Variants in PREX1 observed in about 807,000 individuals in gnomAD.
PREX1 encodes the protein phosphatidylinositol-3,4,5-trisphosphate dependent Rac exchange factor 1, also known as phosphatidylinositol 3,4,5-trisphosphate-dependent Rac exchanger 1 protein.
PREX1 carries 41 observed loss-of-function variants against 198.3 expected under a neutral mutation model. The observed-to-expected ratio is 0.21, with a 90% CI of 0.16 to 0.27. The LOEUF (loss-of-function observed/expected upper bound fraction) is 0.27, where lower values mean the gene tolerates loss of function less well. Ranked by LOEUF, PREX1 falls within the 10% of genes least tolerant of loss-of-function variation. The pLI, the probability that PREX1 is intolerant of heterozygous loss-of-function variation, is 1.00. For missense variants in PREX1, 1,620 were observed against 2,200.7 expected (o/e 0.74, Z 5.28); for synonymous variants, 843 against 887.2 (o/e 0.95, Z 0.89).
At chr20:48,777,816 C>T (rs1194274608) in intron 1 of PREX1, among the ~76,000 whole-genome samples, 1 of 152,194 alleles carries the variant, frequency 6.6e-6, no homozygotes, top group African/African-American at 2.4e-5. Flanking sequence ...GCCAAAAACA[C>T]AGCTCTGACT....
intron 15 of PREX1, among the ~76,000 whole-genome samples, chr20:48,665,319 T>TCC: frequency 7.1e-6 from 1 of 140,916 alleles, no homozygotes; most frequent in Non-Finnish European, 1.5e-5. Flanking sequence ...TAATCCTGGT[T>TCC]CCAGACGGCC....
intron 37 of PREX1, among the ~76,000 whole-genome samples, chr20:48,628,505 G>A (rs1317033387): frequency 6.6e-6 from 1 of 152,162 alleles, no homozygotes; most frequent in Non-Finnish European, 1.5e-5. Context: ...GAGCATGGTG[G>A]TGCACAGAGG....
chr20:48,676,388 T>G (rs1049270007), intron 13 of PREX1, 120 bp from the exon 14 acceptor site: 1 of 891,496 alleles, frequency 1.1e-6, no homozygotes. Flanking sequence ...CTCTAGGCAT[T>G]GGGCAGGGGT....
chr20:48,856,281 A>C, the PREX1 span, among the ~76,000 whole-genome samples: 1 of 152,230 alleles, frequency 6.6e-6, no homozygotes, highest in African/African-American at 2.4e-5. Context: ...GCTGGGAGGT[A>C]ATGGATGGGA....
Position 48,697,296 on chromosome 20 carries a change from G to A in PREX1, c.917+3457C>T, listed in dbSNP as rs530073879. ...GACTACTTTTATCCCCATATAACAG[G>A]TAGGAAAAGACAGGCGCAAACAGCT... On this transcript the variant is annotated intron_variant, in intron 7 of 39. Transcript: ENST00000371941. 7.0e-4 allele frequency among the ~76,000 whole-genome samples: 106 copies of A among 152,212 alleles called. 1 individual carries two copies. The South Asian group carries it at 0.022, about 32-fold the overall frequency.
chr20:48,705,017 T>C (rs746773413), intron 6 of PREX1, among the ~76,000 whole-genome samples: 1 of 152,182 alleles, frequency 6.6e-6, no homozygotes, highest in African/African-American at 2.4e-5. Context: ...TCTAAAAAAA[T>C]AAATAAATAA....
intron 13 of PREX1, among the ~76,000 whole-genome samples, chr20:48,676,867 G>C (rs1022422353): frequency 2.6e-5 from 4 of 152,196 alleles, no homozygotes; most frequent in Non-Finnish European, 4.4e-5. Flanking sequence ...CCCTGCAAGG[G>C]GCTGGTGTGG....
intron 23 of PREX1, 108 bp downstream of exon 23, chr20:48,650,786 G>A (rs1378510960): frequency 5.1e-6 from 7 of 1,378,212 alleles, no homozygotes; most frequent in Admixed American, 4.2e-5. Flanking sequence ...TCTCCTGTTT[G>A]TTTCAGCTGA....
intron 4 of PREX1, 144 bp downstream of exon 4, chr20:48,734,402 T>C: frequency 2.7e-6 from 2 of 740,548 alleles, no homozygotes; most frequent in Admixed American, 2.3e-5. Context: ...GGAAAAGGCT[T>C]GGCGATCCCT....
At chr20:48,656,357 T>C in intron 18 of PREX1, 1 of 412,666 alleles carries the variant, frequency 2.4e-6, no homozygotes, top group Non-Finnish European at 4.9e-6. Context: ...GAGCTCCACT[T>C]GCAGCCACAG....
At chr20:48,819,328 C>T (rs1444731656) in intron 1 of PREX1, among the ~76,000 whole-genome samples, 2 of 152,176 alleles carry the variant, frequency 1.3e-5, no homozygotes, top group African/African-American at 2.4e-5. Context: ...ACAGTCCTGC[C>T]TCAGGGCCTT....
rs897146553 is a variant in PREX1 at position 48,745,165 on chromosome 20, G to C, written c.292-18C>G. 1 of 1,610,028 alleles carries C rather than the reference G, an allele frequency of 6.2e-7. No individual in the cohort carries two copies. The highest frequency in any genetic ancestry group is 1.7e-5 in the Admixed American group (1 of 59,900). Reference sequence around the variant, plus strand: ...AACAGGACCTGTGAGGAAAAGAGAGGCCAGAGGACAGCGTTAAGGCTCAGA... The same window carrying C: ...AACAGGACCTGTGAGGAAAAGAGAGCCCAGAGGACAGCGTTAAGGCTCAGA... On this transcript the variant is annotated intron_variant, in intron 2 of 39. Coordinates refer to ENST00000371941, the MANE Select transcript of PREX1 (RefSeq NM_020820.4).
chr20:48,729,451 G>A (rs1383155948), intron 4 of PREX1, among the ~76,000 whole-genome samples: 2 of 151,758 alleles, frequency 1.3e-5, no homozygotes, highest in East Asian at 1.9e-4. Context: ...CTAAACTCCC[G>A]ACTAGAGTCT....
At position 48,691,032 on chromosome 20, in the gene PREX1, A is replaced by T; in HGVS notation, c.1101T>A (p.Asn367Lys). The T allele has an allele frequency of 6.2e-7, 1 of 1,614,142 alleles. No homozygotes were observed. Among genetic ancestry groups the T allele is most frequent in the African/African-American group, 1.3e-5 (1 of 75,018 alleles). ...TCTTGGCCATGCAGACAAACCACTT[A>T]TTCTTGGCCGTGTTGTGGATCTTCC... ...NGWKIHNTAK[N>K]KWFVCMAKTA... The change falls in exon 9 of 40, where the codon AAT (asparagine) becomes AAA (lysine). Residue 367 changes from asparagine (N) to lysine (K), a missense_variant. Coordinates refer to ENST00000371941, the MANE Select transcript of PREX1 (RefSeq NM_020820.4). This position sits in a 1 kb window ranked among gnomAD's most constrained non-coding sequence, Gnocchi z 5.0.
rs993974821 is a variant in PREX1 at position 48,671,852 on chromosome 20, C to T, written c.1665+4341G>A. Among the ~76,000 whole-genome samples, 5 of 152,222 alleles carry T rather than the reference C, an allele frequency of 3.3e-5. No homozygotes were observed. In the South Asian group the frequency reaches 8.3e-4, roughly 25 times the overall value. ...TCCTCCTGCGTCAGCTCCAGTTACC[C>T]ACCCTGTGTCCCCACACCAGGCCAA... On this transcript the variant is annotated intron_variant, in intron 14 of 39. Transcript: ENST00000371941.
At chr20:48,843,582 C>G in the PREX1 span, among the ~76,000 whole-genome samples, 1 of 152,294 alleles carries the variant, frequency 6.6e-6, no homozygotes, top group East Asian at 1.9e-4. Context: ...GTTACTTATC[C>G]CTGTGCTCAA....
intron 1 of PREX1, among the ~76,000 whole-genome samples, chr20:48,770,873 A>AT (rs2090232236): frequency 6.6e-6 from 1 of 152,272 alleles, no homozygotes; most frequent in African/African-American, 2.4e-5. Context: ...GGAAATGCTG[A>AT]TTCCTGGGCC....
intron 3 of PREX1, 102 bp downstream of exon 3, chr20:48,744,923 G>T: frequency 6.9e-7 from 1 of 1,457,096 alleles, no homozygotes; most frequent in East Asian, 2.3e-5. Context: ...CTCCCAGACA[G>T]GCCTACAGAG....
At chr20:48,767,994 C>A (rs1011741532) in intron 1 of PREX1, among the ~76,000 whole-genome samples, 27 of 152,298 alleles carry the variant, frequency 1.8e-4, no homozygotes, top group African/African-American at 6.0e-4. Flanking sequence ...CTCCTCTCTG[C>A]GCACTGCCAG....
Sources: gnomAD v4.1 joint callset for allele counts (sites outside exome capture counted in the v4.1 genomes callset) on GRCh38, gnomAD v4.1.1 for gene constraint, Gnocchi (gnomAD v3.1) non-coding constraint, MANE v1.5 for transcripts, NCBI Gene and HGNC (gene_info 2026-07-23, HGNC 2026-07-21) for gene names.